The following PRUNE2 variants were observed in gnomAD, a reference collection of about 807,000 sequenced individuals.
PRUNE2 encodes prune homolog 2 with BCH domain.
Under a neutral mutation model 252.0 loss-of-function variants are expected in PRUNE2, and 164 were observed. That is an observed-to-expected ratio of 0.65 (90% CI 0.57 to 0.74). The LOEUF (loss-of-function observed/expected upper bound fraction) is 0.74, where lower values mean the gene tolerates loss of function less well. PRUNE2 is among the 30% of genes least tolerant of loss of function. The pLI is 0.00. For missense variants in PRUNE2, 3,495 were observed against 3,711.0 expected (o/e 0.94, Z 1.51); for synonymous variants, 1,292 against 1,350.2 (o/e 0.96, Z 0.94).
intron 4 of PRUNE2, among the ~76,000 whole-genome samples, chr9:76,831,074 C>T (rs949125055): frequency 2.0e-5 from 3 of 151,946 alleles, no homozygotes; most frequent in African/African-American, 4.8e-5. Context: ...GGACTACAGG[C>T]ACCCGCCACC....
intron 6 of PRUNE2, among the ~76,000 whole-genome samples, chr9:76,768,186 T>G (rs572920563): frequency 6.7e-6 from 1 of 149,980 alleles, no homozygotes; most frequent in African/African-American, 2.5e-5. Flanking sequence ...AGTACTTCCA[T>G]GTCAATGATT....
intron 4 of PRUNE2, among the ~76,000 whole-genome samples, chr9:76,833,936 C>A (rs2058816750): frequency 1.4e-5 from 2 of 147,916 alleles, no homozygotes; most frequent in Non-Finnish European, 3.0e-5. Flanking sequence ...GGCCGGAGTG[C>A]AGTGGCTGCA....
At chr9:76,704,720 G>A (rs576371506) in intron 8 of PRUNE2, 41 bp downstream of exon 8, 5 of 1,341,324 alleles carry the variant, frequency 3.7e-6, no homozygotes, top group East Asian at 2.5e-5. Flanking sequence ...TTTAATCAAC[G>A]CAGCAGTTTC....
intron 6 of PRUNE2, among the ~76,000 whole-genome samples, chr9:76,789,102 G>T (rs559887661): frequency 2.6e-5 from 4 of 152,224 alleles, no homozygotes; most frequent in African/African-American, 9.6e-5. Context: ...TTACATTTTT[G>T]TGAAAAGTAC....
chr9:76,815,417 C>A (rs1008217696), intron 6 of PRUNE2, among the ~76,000 whole-genome samples: 14 of 152,196 alleles, frequency 9.2e-5, no homozygotes, highest in Admixed American at 8.5e-4. Flanking sequence ...GAACTGGTGT[C>A]TGGTGAGAGC....
At chr9:76,720,684 T>C (rs1222507555) in intron 6 of PRUNE2, among the ~76,000 whole-genome samples, 1 of 152,218 alleles carries the variant, frequency 6.6e-6, no homozygotes, top group Non-Finnish European at 1.5e-5. Context: ...AGATTCTGTC[T>C]GTGGGGACTG....
chr9:76,829,295 AAATAAGCC>A (rs2058530800), intron 4 of PRUNE2, among the ~76,000 whole-genome samples: 1 of 152,172 alleles, frequency 6.6e-6, no homozygotes, highest in South Asian at 2.1e-4. Context: ...ATAAGTGATA[AAATAAGCC>A]AATAGGCTGA....
intron 4 of PRUNE2, among the ~76,000 whole-genome samples, chr9:76,843,784 A>G (rs1249537304): frequency 6.9e-6 from 1 of 145,718 alleles, no homozygotes; most frequent in Non-Finnish European, 1.5e-5. Context: ...GCTGGAGTGC[A>G]ATGGTGAGAT....
At chr9:76,732,424 C>G (rs533703940) in intron 6 of PRUNE2, among the ~76,000 whole-genome samples, 2 of 152,280 alleles carry the variant, frequency 1.3e-5, no homozygotes, top group African/African-American at 4.8e-5. Context: ...AGAAATCTGC[C>G]CTTACCACCC....
At chr9:76,863,284 T>C (rs1350926248) in intron 1 of PRUNE2, 1 of 152,190 alleles carries the variant, frequency 6.6e-6, no homozygotes, top group East Asian at 1.9e-4. Flanking sequence ...AAATACCTAG[T>C]TTTCAAACCT....
chr9:76,870,404 G>A (rs978055590), intron 1 of PRUNE2, among the ~76,000 whole-genome samples: 7 of 151,856 alleles, frequency 4.6e-5, no homozygotes, highest in East Asian at 3.9e-4. Context: ...AAAATCCTCC[G>A]GCCGGGTGCG....
intron 15 of PRUNE2, among the ~76,000 whole-genome samples, chr9:76,629,528 A>G (rs1452508992): frequency 6.6e-6 from 1 of 151,328 alleles, no homozygotes; most frequent in Non-Finnish European, 1.5e-5. Context: ...AAAGTATAAC[A>G]TGATGTTCTG....
chr9:76,859,402 T>C (rs12337789), intron 1 of PRUNE2, among the ~76,000 whole-genome samples: 4,979 of 152,206 alleles, frequency 0.033, 258 homozygotes, highest in African/African-American at 0.11. Flanking sequence ...CCCAGAAGAA[T>C]TGACCAGAAA....
chr9:76,692,040 C>G (rs189247386), intron 9 of PRUNE2: 2 of 717,170 alleles, frequency 2.8e-6, no homozygotes, highest in Admixed American at 2.0e-5. Flanking sequence ...CTTCCCGTAC[C>G]GATCTCCTAA....
In PRUNE2 at chr9:76,706,789, A is replaced by C; in HGVS notation, c.5485T>G (p.Trp1829Gly). 1 of 1,609,994 alleles carries C rather than the reference A, an allele frequency of 6.2e-7. No homozygotes were observed. Among genetic ancestry groups the C allele is most frequent in the Non-Finnish European group, 8.5e-7 (1 of 1,177,976 alleles). The change falls in exon 8 of 19, where the codon TGG becomes GGG. Residue 1829 changes from tryptophan to glycine, a missense_variant. Physicochemically the swap from Trp to Gly is radical, Grantham distance 184 (BLOSUM62 -2). Transcript: ENST00000376718. ...CCTTCCTGGGGTGAGGCCTTCCACC[A>C]CTCAGTGCTATCAGCTGAGAAGCCC... is the stretch of plus-strand genomic sequence containing the variant. The part of the protein sequence containing the change: ...MLGFSADSTE[W>G]WKASPQEGRL...
At chr9:76,807,020 ATGTGTGTG>A (rs1554779764) in intron 6 of PRUNE2, among the ~76,000 whole-genome samples, 41 of 140,494 alleles carry the variant, frequency 2.9e-4, no homozygotes, top group African/African-American at 8.6e-4. Flanking sequence ...ACCTCATACA[ATGTGTGTG>A]TGTGTGTGTG....
intron 15 of PRUNE2, among the ~76,000 whole-genome samples, chr9:76,633,096 C>T (rs916703292): frequency 1.3e-5 from 2 of 151,818 alleles, no homozygotes; most frequent in Non-Finnish European, 2.9e-5. Flanking sequence ...GTGGCACATG[C>T]CTGTAATCCC....
At chr9:76,688,011 C>T (rs948423977) in intron 9 of PRUNE2, among the ~76,000 whole-genome samples, 10 of 152,356 alleles carry the variant, frequency 6.6e-5, no homozygotes, top group African/African-American at 2.4e-4. Flanking sequence ...TTCCCACTTT[C>T]TCCTCAGTTC....
intron 6 of PRUNE2, among the ~76,000 whole-genome samples, chr9:76,810,159 T>C (rs2057260562): frequency 1.3e-5 from 2 of 152,242 alleles, no homozygotes; most frequent in Admixed American, 6.5e-5. Flanking sequence ...ATGAAAAGAA[T>C]GTTAATCTAA....
Sources: allele counts gnomAD v4.1 joint callset (sites outside exome capture counted in the v4.1 genomes callset), GRCh38; gene constraint gnomAD v4.1.1; transcripts MANE v1.5; gene names NCBI Gene and HGNC (gene_info 2026-07-23, HGNC 2026-07-21).